CENPO: variants seen among roughly 807,000 people sequenced by gnomAD.
CENPO encodes centromere protein O.
In CENPO, 30 loss-of-function variants were observed where a neutral mutation model predicts 36.1. That is an observed-to-expected ratio of 0.83 (90% CI 0.62 to 1.13). CENPO has a LOEUF of 1.13. CENPO is among the 50% of genes most tolerant of loss of function. The pLI is 0.00. For missense variants in CENPO, 349 were observed against 357.8 expected, an observed-to-expected ratio of 0.98 and a Z score of 0.20; for synonymous variants, 171 against 142.3, an observed-to-expected ratio of 1.20 and a Z score of -1.44.
At chr2:24,818,291 A>G (rs1020961047) in intron 7 of CENPO, among the ~76,000 whole-genome samples, 1 of 152,216 alleles carries the variant, frequency 6.6e-6, no homozygotes, top group African/African-American at 2.4e-5. Context: ...TCAAACTGCA[A>G]TAGCTTGATT....
chr2:24,811,434 C>T (rs1666684311), intron 3 of CENPO, among the ~76,000 whole-genome samples: 1 of 151,082 alleles, frequency 6.6e-6, no homozygotes, highest in Non-Finnish European at 1.5e-5. Context: ...ATGCCCGCCA[C>T]CACACCCAGC....
At chr2:24,810,710 GT>G (rs1250305679) in intron 3 of CENPO, among the ~76,000 whole-genome samples, 3 of 151,950 alleles carry the variant, frequency 2.0e-5, no homozygotes, top group South Asian at 2.1e-4. Context: ...GTTTCACCAC[GT>G]TGGCCAGGCT....
Position 24,820,860 on chromosome 2 carries a change from G to C in CENPO, c.*1542G>C. 6.2e-7 allele frequency: 1 copy of C among 1,613,384 alleles called. No homozygotes were observed. The highest frequency in any genetic ancestry group is 8.5e-7 in the Non-Finnish European group (1 of 1,179,552). On this transcript the variant is annotated 3_prime_UTR_variant, in exon 8 of 8. Coordinates refer to ENST00000380834, the MANE Select transcript of CENPO (RefSeq NM_001322101.2). ...GCCTTTGTTCATGCCTAGGGTAGAGGCATAAAGTTCAGCACAGCCACAGGC... is the reference window on the plus strand; with the variant it reads ...GCCTTTGTTCATGCCTAGGGTAGAGCCATAAAGTTCAGCACAGCCACAGGC...
At chr2:24,810,626 G>C (rs1666634500) in intron 3 of CENPO, among the ~76,000 whole-genome samples, 1 of 150,364 alleles carries the variant, frequency 6.7e-6, no homozygotes, top group Non-Finnish European at 1.5e-5. Context: ...TCGTGCCTCA[G>C]CCTCCCAAGT....
chr2:24,806,240 G>T (rs868082639), intron 3 of CENPO, among the ~76,000 whole-genome samples: 1 of 152,220 alleles, frequency 6.6e-6, no homozygotes, highest in South Asian at 2.1e-4. Context: ...CTTTGACTAG[G>T]AAAGGGAACT....
At chr2:24,807,392 G>T (rs1666467632) in intron 3 of CENPO, among the ~76,000 whole-genome samples, 1 of 152,146 alleles carries the variant, frequency 6.6e-6, no homozygotes, top group Non-Finnish European at 1.5e-5. Flanking sequence ...AGCTTAAAAA[G>T]TACAAACTCT....
chr2:24,819,832 TC>T lies in CENPO; in HGVS notation c.*516del. On this transcript the variant is annotated 3_prime_UTR_variant, in exon 8 of 8. Coordinates refer to ENST00000380834, the MANE Select transcript of CENPO (RefSeq NM_001322101.2). ...GCTGAGGAGGTTTCTAAACCTAAAG[TC>T]CATGAGTGTGCACTTCAATCCAGGA... 7.7e-7 allele frequency: 1 copy of T among 1,296,374 alleles called. No individual in the cohort carries two copies. Among genetic ancestry groups the T allele is most frequent in the South Asian group, 1.4e-5 (1 of 69,688 alleles). The allele number at this position is 1,296,374 out of a possible 1,614,324, so 80.3% of individuals were successfully genotyped here. A position where few individuals can be genotyped will look rare whatever the true frequency, so the allele number is the denominator to read the frequency against.
At chr2:24,808,068 A>G (rs552970491) in intron 3 of CENPO, among the ~76,000 whole-genome samples, 5 of 151,322 alleles carry the variant, frequency 3.3e-5, no homozygotes, top group African/African-American at 1.2e-4. Flanking sequence ...TTGTATTTTC[A>G]CTCTCTAATG....
At position 24,822,346 on chromosome 2, in the gene CENPO, C is replaced by A; in HGVS notation, c.*3028C>A. 1 of 1,024,150 alleles carries A rather than the reference C, an allele frequency of 9.8e-7. No individual in the cohort carries two copies. Among genetic ancestry groups the A allele is most frequent in the South Asian group, 1.6e-5 (1 of 62,448 alleles). 63.4% of individuals were successfully genotyped at this position (1,024,150 alleles called of 1,614,324 possible). ...CTGTTCTGTTTCTCTGCTTGCCGAA[C>A]TTTCTCAATAAACCCTATTTCTTAT... On this transcript the variant is annotated 3_prime_UTR_variant, in exon 8 of 8. Coordinates refer to ENST00000380834, the MANE Select transcript of CENPO (RefSeq NM_001322101.2).
At chr2:24,818,571 G>A (rs1294752245) in intron 7 of CENPO, among the ~76,000 whole-genome samples, 1 of 152,188 alleles carries the variant, frequency 6.6e-6, no homozygotes, top group African/African-American at 2.4e-5. Flanking sequence ...AGAGTTCAGT[G>A]TGTCTCATAT....
chr2:24,817,488 C>G (rs1473112914), intron 6 of CENPO, among the ~76,000 whole-genome samples, 182 bp from the exon 7 acceptor site: 2 of 81,100 alleles, frequency 2.5e-5, no homozygotes, highest in Admixed American at 1.4e-4. Context: ...CTGTATGGGT[C>G]CAGTGGGTCC....
intron 2 of CENPO, among the ~76,000 whole-genome samples, chr2:24,795,034 G>A (rs190025465): frequency 5.9e-5 from 9 of 152,194 alleles, no homozygotes; most frequent in Admixed American, 4.6e-4. Context: ...AAAGTATATG[G>A]GGTAAGATTT....
At chr2:24,803,041 C>A (rs1210815908) in intron 3 of CENPO, among the ~76,000 whole-genome samples, 2 of 152,092 alleles carry the variant, frequency 1.3e-5, no homozygotes, top group Non-Finnish European at 2.9e-5. Flanking sequence ...TCAACTTCTT[C>A]CTGGTTTAGT....
chr2:24,806,280 C>T (rs531076470), intron 3 of CENPO, among the ~76,000 whole-genome samples: 19 of 152,362 alleles, frequency 1.2e-4, no homozygotes, highest in African/African-American at 2.2e-4. Flanking sequence ...CTGGGTGAGG[C>T]GATGCCTCGC....
Position 24,799,835 on chromosome 2 carries a change from G to A in CENPO, c.207G>A (p.Arg69=). ...AGCTGAGGGCTGTGGTGCGGCACCG[G>A]CGAGCCAGCGTGAGTAGAAGGGTGG... ...RDELRAVVRH[R]RASVKACIAN... is the part of the protein sequence containing the mutation. The change falls in exon 3 of 8, where the codon CGG becomes CGA. Residue 69 remains arginine (R), a synonymous_variant. Transcript: ENST00000380834. The A allele has an allele frequency of 6.2e-7, 1 of 1,613,098 alleles. No individual in the cohort carries two copies. The highest frequency in any genetic ancestry group is 2.2e-5 in the East Asian group (1 of 44,888).
intron 2 of CENPO, among the ~76,000 whole-genome samples, chr2:24,798,650 C>T (rs1484356688): frequency 3.3e-5 from 5 of 151,904 alleles, no homozygotes; most frequent in African/African-American, 7.3e-5. Flanking sequence ...TTGGTAGAGA[C>T]GGGGTTTCAC....
intron 7 of CENPO, among the ~76,000 whole-genome samples, chr2:24,818,341 C>G (rs917698956): frequency 3.3e-5 from 5 of 152,086 alleles, no homozygotes; most frequent in Non-Finnish European, 7.4e-5. Flanking sequence ...GAAAAATAAC[C>G]CACATTCACT....
intron 7 of CENPO, chr2:24,819,034 G>C (rs750746055): frequency 6.6e-6 from 1 of 152,618 alleles, no homozygotes; most frequent in African/African-American, 2.4e-5. Flanking sequence ...GGCAGCAGGC[G>C]TTCCGGGGTA....
rs752049691 is a variant in CENPO at position 24,817,836 on chromosome 2, T to G, written c.*30T>G. ...TTGTTTTCACTGCACTGGGAGCACA[T>G]CAGAGGTAAGTAACCAGTACTGAAG... On this transcript the variant is annotated 3_prime_UTR_variant, in exon 7 of 8. Coordinates refer to ENST00000380834, the MANE Select transcript of CENPO (RefSeq NM_001322101.2). 3 of 1,613,608 alleles carry G rather than the reference T, an allele frequency of 1.9e-6. No individual in the cohort carries two copies. In the South Asian group the frequency reaches 3.3e-5, roughly 18 times the overall value.
Sources: gnomAD v4.1 joint callset for allele counts (sites outside exome capture counted in the v4.1 genomes callset) on GRCh38, gnomAD v4.1.1 for gene constraint, MANE v1.5 for transcripts, NCBI Gene and HGNC (gene_info 2026-07-23, HGNC 2026-07-21) for gene names.